Variants in TMEM131L observed in about 807,000 individuals in gnomAD.
TMEM131L encodes the protein transmembrane protein 131-like.
Under a neutral mutation model 192.2 loss-of-function variants are expected in TMEM131L, and 54 were observed. That is an observed-to-expected ratio of 0.28 (90% CI 0.23 to 0.35). TMEM131L has a LOEUF of 0.35. Among genes scored for constraint, TMEM131L ranks in the 10% least tolerant of loss-of-function variants. TMEM131L has a pLI of 1.00. For missense variants in TMEM131L, 1,888 were observed against 1,972.9 expected (o/e 0.96, Z 0.82); for synonymous variants, 701 against 704.9 (o/e 0.99, Z 0.09).
At chr4:153,581,181 G>T (rs976803961) in intron 8 of TMEM131L, among the ~76,000 whole-genome samples, 1 of 152,204 alleles carries the variant, frequency 6.6e-6, no homozygotes, top group Non-Finnish European at 1.5e-5. Flanking sequence ...GTGAACCTGG[G>T]AGGCGGAGCT....
intron 3 of TMEM131L, among the ~76,000 whole-genome samples, chr4:153,511,860 A>G (rs1385758709): frequency 6.6e-6 from 1 of 152,228 alleles, no homozygotes; most frequent in Non-Finnish European, 1.5e-5. Flanking sequence ...TTTATATTGA[A>G]TAACTTTATA....
chr4:153,485,046 G>C (rs1732225886), intron 3 of TMEM131L, among the ~76,000 whole-genome samples: 1 of 146,884 alleles, frequency 6.8e-6, no homozygotes, highest in Non-Finnish European at 1.5e-5. Flanking sequence ...ATGAACCCGG[G>C]AAGTGGAGCT....
At chr4:153,564,793 G>A (rs1729085053) in intron 7 of TMEM131L, among the ~76,000 whole-genome samples, 1 of 152,016 alleles carries the variant, frequency 6.6e-6, no homozygotes, top group African/African-American at 2.4e-5. Context: ...TAATTCCCTG[G>A]CCACTGGATT....
chr4:153,532,214 A>G (rs760596083), intron 3 of TMEM131L, among the ~76,000 whole-genome samples: 1 of 152,256 alleles, frequency 6.6e-6, no homozygotes, highest in Non-Finnish European at 1.5e-5. Flanking sequence ...CTGCATAATT[A>G]TGGGAAATGT....
At chr4:153,473,735 T>C in intron 2 of TMEM131L, 110 bp from the exon 3 acceptor site, 1 of 795,020 alleles carries the variant, frequency 1.3e-6, no homozygotes. Context: ...GAGGTTGCAG[T>C]GAGCCGAGAC....
chr4:153,548,778 C>T (rs529992355), intron 3 of TMEM131L, among the ~76,000 whole-genome samples: 6 of 151,926 alleles, frequency 3.9e-5, no homozygotes, highest in Admixed American at 6.6e-5. Flanking sequence ...GAAGGGTTCT[C>T]GGGTCTCTGC....
chr4:153,531,624 C>T (rs1253251246), intron 3 of TMEM131L, among the ~76,000 whole-genome samples: 1 of 152,114 alleles, frequency 6.6e-6, no homozygotes, highest in Non-Finnish European at 1.5e-5. Flanking sequence ...ATAAACGTGG[C>T]ATTTTACAGT....
At chr4:153,469,751 ACT>A (rs1380900268) in intron 2 of TMEM131L, among the ~76,000 whole-genome samples, 1 of 151,968 alleles carries the variant, frequency 6.6e-6, no homozygotes, top group Non-Finnish European at 1.5e-5. Context: ...ACATGGACAA[ACT>A]CTGTCTCTAC....
intron 27 of TMEM131L, 136 bp downstream of exon 27, chr4:153,621,016 G>T (rs1191281992): frequency 1.7e-6 from 1 of 590,670 alleles, no homozygotes; most frequent in Non-Finnish European, 2.9e-6. Context: ...TATCTCTTAA[G>T]ATTAAAATAC....
intron 7 of TMEM131L, among the ~76,000 whole-genome samples, chr4:153,573,318 G>A (rs767053017): frequency 1.3e-5 from 2 of 152,388 alleles, no homozygotes; most frequent in South Asian, 2.1e-4. Flanking sequence ...AAGGTCAAGC[G>A]ACGGCAGCCT....
intron 29 of TMEM131L, among the ~76,000 whole-genome samples, chr4:153,623,900 CT>C (rs55968757): frequency 0.01 from 1,472 of 144,840 alleles, 6 homozygotes; most frequent in Middle Eastern, 0.049. Context: ...GCCATATTTG[CT>C]TTTTTTTTTT....
rs1325251705 is a variant in TMEM131L at position 153,555,979 on chromosome 4, TGAA to T, written c.432+71_432+73del. On this transcript the variant is annotated intron_variant, in intron 5 of 34. Coordinates refer to ENST00000409959, the MANE Select transcript of TMEM131L (RefSeq NM_001131007.2). The surrounding 1 kb of genome is among the most constrained non-coding windows in gnomAD (Gnocchi z 4.1). ...CCAGGTTTTCTTGCTTTCTTTGGCC[TGAA>T]GTTTTTACTTTCTGCTCCCTGTCTC... 4 of 1,503,882 alleles carry T rather than the reference TGAA, an allele frequency of 2.7e-6. No individual in the cohort carries two copies. The African/African-American group carries it at 5.6e-5, about 21-fold the overall frequency. 93.2% of individuals were successfully genotyped at this position (1,503,882 alleles called of 1,614,324 possible). A position where few individuals can be genotyped will look rare whatever the true frequency, so the allele number is the denominator to read the frequency against.
At chr4:153,612,922 G>A (rs772185916) in intron 26 of TMEM131L, among the ~76,000 whole-genome samples, 2 of 152,126 alleles carry the variant, frequency 1.3e-5, no homozygotes, top group Non-Finnish European at 2.9e-5. Context: ...ATGGGAATAG[G>A]CACTTAGTTA....
At chr4:153,515,102 G>A (rs1342307498) in intron 3 of TMEM131L, among the ~76,000 whole-genome samples, 10 of 152,318 alleles carry the variant, frequency 6.6e-5, no homozygotes, top group Non-Finnish European at 1.3e-4. Flanking sequence ...ATTAGCCACC[G>A]TGCTCAGCCT....
intron 3 of TMEM131L, among the ~76,000 whole-genome samples, chr4:153,474,582 A>G (rs1166207106): frequency 6.6e-6 from 1 of 152,166 alleles, no homozygotes; most frequent in Non-Finnish European, 1.5e-5. Flanking sequence ...GTGAATTGTT[A>G]AAGAATTTTA....
intron 7 of TMEM131L, among the ~76,000 whole-genome samples, chr4:153,564,287 CAAA>C (rs1178320668): frequency 1.7e-4 from 3 of 17,648 alleles, no homozygotes; most frequent in African/African-American, 4.1e-4. Flanking sequence ...AACTCCGTCT[CAAA>C]AAAAAAAAAA....
At chr4:153,536,719 TCTCC>T (rs746417436) in intron 3 of TMEM131L, among the ~76,000 whole-genome samples, 40 of 105,858 alleles carry the variant, frequency 3.8e-4, no homozygotes, top group East Asian at 9.1e-4. Context: ...TGTCTATCTA[TCTCC>T]CTCCCTCCCT....
intron 2 of TMEM131L, among the ~76,000 whole-genome samples, chr4:153,469,525 A>C (rs1241025798): frequency 2.6e-5 from 4 of 152,224 alleles, no homozygotes; most frequent in African/African-American, 7.2e-5. Flanking sequence ...TTTTCTGCTT[A>C]ATTAACCAGT....
chr4:153,550,528 G>T (rs147008356), intron 4 of TMEM131L, among the ~76,000 whole-genome samples: 2 of 152,004 alleles, frequency 1.3e-5, no homozygotes, highest in South Asian at 2.1e-4. Flanking sequence ...GGGTTTCACC[G>T]TGTTCGCCAG....
Sources: allele counts gnomAD v4.1 joint callset (sites outside exome capture counted in the v4.1 genomes callset), GRCh38; gene constraint gnomAD v4.1.1; non-coding constraint Gnocchi (gnomAD v3.1); transcripts MANE v1.5; gene names NCBI Gene and HGNC (gene_info 2026-07-23, HGNC 2026-07-21).